Variants in SLC47A2 observed in about 807,000 individuals in gnomAD.
SLC47A2 encodes solute carrier family 47 member 2, also known as multidrug and toxin extrusion protein 2.
A neutral mutation model predicts 67.7 loss-of-function variants in SLC47A2; 52 were observed. The ratio of observed to expected loss-of-function variants is 0.77; its 90% CI spans 0.61 to 0.97. The LOEUF is 0.97. Among genes scored for constraint, SLC47A2 ranks in the 50% least tolerant of loss-of-function variants. The pLI is 0.00. For synonymous variants in SLC47A2, 278 were observed against 292.9 expected (o/e 0.95, Z 0.52); for missense variants, 676 against 712.3 (o/e 0.95, Z 0.58).
Position 19,705,098 on chromosome 17 carries a change from A to G in SLC47A2, c.909+338T>C, listed in dbSNP as rs887238. ...CAGCCTCCCAAAGTACTGGGATTAC[A>G]CACGTGAGCCACTGCGCCCAGCCTG... is the stretch of plus-strand genomic sequence containing the variant. On this transcript the variant is annotated intron_variant, in intron 10 of 16. Transcript: ENST00000433844. 3,328 of 383,280 alleles carry G rather than the reference A, an allele frequency of 8.7e-3. 84 individuals are homozygous for G. Among genetic ancestry groups the G allele is most frequent in the African/African-American group, 0.062 (2,990 of 47,858 alleles). The allele number at this position is 383,280 out of a possible 1,614,324, so 23.7% of individuals were successfully genotyped here. A position where few individuals can be genotyped will look rare whatever the true frequency, so the allele number is the denominator to read the frequency against.
At chr17:19,686,323 A>T (rs1271358787) in intron 13 of SLC47A2, among the ~76,000 whole-genome samples, 1 of 152,176 alleles carries the variant, frequency 6.6e-6, no homozygotes, top group East Asian at 1.9e-4. Flanking sequence ...TACAAAAGAT[A>T]CACAAAAAAT....
intron 10 of SLC47A2, chr17:19,704,655 G>A (rs561964808): frequency 1.1e-4 from 168 of 1,549,226 alleles, no homozygotes; most frequent in African/African-American, 1.0e-3. Flanking sequence ...ATGCGTACCC[G>A]AGTGACATGG....
chr17:19,704,654 C>T (rs1455789895), intron 10 of SLC47A2: 188 of 1,548,314 alleles, frequency 1.2e-4, no homozygotes, highest in Non-Finnish European at 1.4e-4. Context: ...GATGCGTACC[C>T]GAGTGACATG....
Position 19,678,656 on chromosome 17 carries a change from C to G in SLC47A2, c.*30G>C, listed in dbSNP as rs1314665906. The G allele has an allele frequency of 6.2e-7, 1 of 1,608,232 alleles. No individual in the cohort carries two copies. Among genetic ancestry groups the G allele is most frequent in the Non-Finnish European group, 8.5e-7 (1 of 1,176,624 alleles). On this transcript the variant is annotated 3_prime_UTR_variant, in exon 17 of 17. Coordinates refer to ENST00000433844, the MANE Select transcript of SLC47A2 (RefSeq NM_001099646.3). ...TGTGTTTGCATACTGGGGACAGCCA[C>G]TCCTGGCTTTCTATTTCCAAGCTTC...
At position 19,678,406 on chromosome 17, in the gene SLC47A2, A is replaced by G; in HGVS notation, c.*280T>C. ...TGAAGCCATTTACATTATTAATAAT[A>G]GTGACAATCCCTGGACTCTGACTCG... On this transcript the variant is annotated 3_prime_UTR_variant, in exon 17 of 17. Coordinates refer to ENST00000433844, the MANE Select transcript of SLC47A2 (RefSeq NM_001099646.3). 2.3e-6 allele frequency: 1 copy of G among 435,506 alleles called. No homozygotes were observed. The highest frequency in any genetic ancestry group is 4.2e-6 in the Non-Finnish European group (1 of 240,506). The allele number at this position is 435,506 out of a possible 1,614,324, so 27.0% of individuals were successfully genotyped here. A position where few individuals can be genotyped will look rare whatever the true frequency, so the allele number is the denominator to read the frequency against.
chr17:19,704,182 G>C lies in SLC47A2; in HGVS notation c.910-4C>G. ...CGATGCTGAGCCCCAAGGGAATCTGGGATCAAAGATAAGAAAGCACTGTCA... is the reference window on the plus strand; with the variant it reads ...CGATGCTGAGCCCCAAGGGAATCTGCGATCAAAGATAAGAAAGCACTGTCA... On this transcript the variant is annotated splice_polypyrimidine_tract_variant and splice_region_variant and intron_variant, in intron 10 of 16. Coordinates refer to ENST00000433844, the MANE Select transcript of SLC47A2 (RefSeq NM_001099646.3). The C allele has an allele frequency of 6.2e-7, 1 of 1,600,810 alleles. No homozygotes were observed. Among genetic ancestry groups the C allele is most frequent in the Non-Finnish European group, 8.5e-7 (1 of 1,174,764 alleles).
chr17:19,700,763 CAAAA>C (rs67005913), intron 13 of SLC47A2, among the ~76,000 whole-genome samples: 13 of 86,448 alleles, frequency 1.5e-4, no homozygotes, highest in Admixed American at 1.2e-4. Flanking sequence ...AGACCTGTCT[CAAAA>C]AAAAAAAAAA....
chr17:19,709,257 C>T (rs552588901), intron 5 of SLC47A2, among the ~76,000 whole-genome samples: 30 of 152,290 alleles, frequency 2.0e-4, no homozygotes, highest in Non-Finnish European at 3.8e-4. Context: ...CAAGACCCTA[C>T]GGGGGTGGCG....
chr17:19,715,149 C>T lies in SLC47A2; in HGVS notation c.192G>A (p.Lys64=), dbSNP rs757864177. ...CGAGGGTCACCGATGCCAGCTCCAC[C>T]TTGCCCAGGTGCCCGCAGAACACAG... ...VSTVFCGHLG[K]VELASVTLAV... Residue 64 remains lysine, a synonymous_variant, in exon 2 of 17, where the codon AAG becomes AAA. Transcript: ENST00000433844. 1.2e-6 allele frequency: 2 copies of T among 1,612,460 alleles called. No individual in the cohort carries two copies. Among genetic ancestry groups the T allele is most frequent in the Non-Finnish European group, 1.7e-6 (2 of 1,180,006 alleles).
intron 13 of SLC47A2, among the ~76,000 whole-genome samples, chr17:19,683,822 A>G (rs936623817): frequency 6.6e-6 from 1 of 152,206 alleles, no homozygotes; most frequent in Admixed American, 6.5e-5. Flanking sequence ...AATTGGCTGA[A>G]CACTAAGCTC....
chr17:19,709,703 C>T (rs776070718), intron 5 of SLC47A2, among the ~76,000 whole-genome samples: 3 of 152,158 alleles, frequency 2.0e-5, no homozygotes, highest in Admixed American at 6.5e-5. Context: ...GTGTTAGCCA[C>T]TAACATAACT....
chr17:19,714,018 A>G, intron 3 of SLC47A2, 45 bp from the exon 4 acceptor site: 2 of 1,587,340 alleles, frequency 1.3e-6, no homozygotes, highest in Non-Finnish European at 1.7e-6. Flanking sequence ...ACTGCCCGGG[A>G]CATTCCTAAA....
chr17:19,679,403 G>A (rs2085263452), intron 16 of SLC47A2, among the ~76,000 whole-genome samples: 2 of 152,272 alleles, frequency 1.3e-5, no homozygotes, highest in South Asian at 2.1e-4. Flanking sequence ...GCAGAGCTGG[G>A]GCCATCACTT....
intron 9 of SLC47A2, among the ~76,000 whole-genome samples, chr17:19,706,047 T>C (rs905724932): frequency 6.6e-6 from 1 of 152,178 alleles, no homozygotes; most frequent in Non-Finnish European, 1.5e-5. Context: ...AGGGTGGCAG[T>C]GTGAGGGAGG....
intron 13 of SLC47A2, among the ~76,000 whole-genome samples, chr17:19,691,785 G>A (rs960437851): frequency 2.0e-5 from 3 of 152,132 alleles, no homozygotes; most frequent in African/African-American, 7.2e-5. Flanking sequence ...TAATGCTTGA[G>A]GTGATGAAAA....
chr17:19,705,610 T>G, intron 9 of SLC47A2, 107 bp from the exon 10 acceptor site: 1 of 1,013,954 alleles, frequency 9.9e-7, no homozygotes, highest in Non-Finnish European at 1.4e-6. Flanking sequence ...TTTTTTTTTT[T>G]CTTCCTTGAG....
intron 10 of SLC47A2, 69 bp downstream of exon 10, chr17:19,705,366 GC>G (rs1220303861): frequency 2.2e-5 from 33 of 1,488,754 alleles, no homozygotes; most frequent in Admixed American, 2.1e-4. Flanking sequence ...GTGACAGCCT[GC>G]CCCCCTCCTA....
intron 13 of SLC47A2, chr17:19,701,945 A>C (rs1159645363): frequency 5.5e-6 from 1 of 180,592 alleles, no homozygotes; most frequent in Non-Finnish European, 1.1e-5. Flanking sequence ...TACAAAAAAT[A>C]CGAAAATTTA....
At chr17:19,716,946 T>G, upstream of SLC47A2, 1 of 183,354 alleles carries the variant, frequency 5.5e-6, no homozygotes, top group Non-Finnish European at 1.1e-5. Context: ...GGGCGTCCTG[T>G]ACCCGGGCGT....
Sources: allele counts gnomAD v4.1 joint callset (sites outside exome capture counted in the v4.1 genomes callset), GRCh38; gene constraint gnomAD v4.1.1; transcripts MANE v1.5; gene names NCBI Gene and HGNC (gene_info 2026-07-23, HGNC 2026-07-21).